PTPRB: variants seen among roughly 807,000 people sequenced by gnomAD.
PTPRB encodes the protein protein tyrosine phosphatase receptor type B.
A neutral mutation model predicts 238.1 loss-of-function variants in PTPRB; 97 were observed. The ratio of observed to expected loss-of-function variants is 0.41; its 90% CI spans 0.35 to 0.48. The LOEUF is 0.48. Among genes scored for constraint, PTPRB ranks in the 20% least tolerant of loss-of-function variants. PTPRB has a pLI of 0.30. For missense variants in PTPRB, 2,292 were observed against 2,681.9 expected (o/e 0.85, Z 3.21); for synonymous variants, 970 against 995.4 (o/e 0.97, Z 0.48).
intron 22 of PTPRB, among the ~76,000 whole-genome samples, chr12:70,543,882 T>A (rs2136270333): frequency 6.6e-6 from 1 of 152,326 alleles, no homozygotes; most frequent in Middle Eastern, 3.4e-3. Context: ...ATGGGGATGA[T>A]AATAGCATCT....
intron 5 of PTPRB, among the ~76,000 whole-genome samples, chr12:70,595,497 G>C (rs1482951882): frequency 6.6e-6 from 1 of 152,072 alleles, no homozygotes; most frequent in African/African-American, 2.4e-5. Context: ...GAGAGAAAAT[G>C]AGGGGAGAGC....
chr12:70,621,185 G>A (rs1040725211), intron 3 of PTPRB, among the ~76,000 whole-genome samples: 5 of 152,088 alleles, frequency 3.3e-5, no homozygotes, highest in East Asian at 3.9e-4. Context: ...CATTTTCCAC[G>A]CCCAGATAGA....
chr12:70,547,211 A>C (rs1876118701), intron 21 of PTPRB, among the ~76,000 whole-genome samples: 1 of 152,162 alleles, frequency 6.6e-6, no homozygotes, highest in Admixed American at 6.5e-5. Flanking sequence ...CACATCTATA[A>C]CTTCCATCTC....
rs751300742 is a variant in PTPRB at position 70,590,171 on chromosome 12, T to C, written c.1843A>G (p.Ser615Gly). ...NNGRMRSLVV[S>G]WSPPAGDWEQ... ...CAGTCTCCAGCAGGGGGCGACCAGC[T>C]CACTACAAGAGACCTCATCCTGCCA... Residue 615 changes from serine to glycine, a missense_variant, in exon 8 of 34, where the codon AGC (serine) becomes GGC (glycine). Transcript: ENST00000334414. The C allele has an allele frequency of 6.2e-6, 10 of 1,611,804 alleles. No individual in the cohort carries two copies. In the South Asian group the frequency reaches 1.1e-4, roughly 18 times the overall value.
chr12:70,534,801 G>C (rs185939089), intron 30 of PTPRB, 32 bp downstream of exon 30: 1 of 1,611,208 alleles, frequency 6.2e-7, no homozygotes, highest in Non-Finnish European at 8.5e-7. Flanking sequence ...ATCTCCCCAA[G>C]CTCGGTTGTT....
At chr12:70,547,623 C>A (rs532307991) in intron 21 of PTPRB, among the ~76,000 whole-genome samples, 1 of 151,098 alleles carries the variant, frequency 6.6e-6, no homozygotes, top group Non-Finnish European at 1.5e-5. Flanking sequence ...CCTCCAACCC[C>A]AGCCTCCTGA....
At chr12:70,632,555 C>T (rs2584022) in intron 2 of PTPRB, among the ~76,000 whole-genome samples, 48,854 of 151,136 alleles carry the variant, frequency 0.32, 11,029 homozygotes, top group African/African-American at 0.62. Flanking sequence ...TGTGCACATG[C>T]ACCCTAGAAC....
chr12:70,532,285 G>T, intron 31 of PTPRB, 115 bp from the exon 32 acceptor site: 1 of 1,278,752 alleles, frequency 7.8e-7, no homozygotes, highest in Non-Finnish European at 1.1e-6. Flanking sequence ...GGAGAAGATA[G>T]GAATATTTCT....
At chr12:70,625,992 T>G (rs990498564) in intron 2 of PTPRB, among the ~76,000 whole-genome samples, 2 of 152,168 alleles carry the variant, frequency 1.3e-5, no homozygotes, top group African/African-American at 4.8e-5. Context: ...GAGCAATGTG[T>G]ATTTTATCTT....
rs541091672 is a variant in PTPRB at position 70,587,555 on chromosome 12, T to C, written c.2051-288A>G. On this transcript the variant is annotated intron_variant, in intron 8 of 33. Transcript: ENST00000334414. The stretch of plus-strand genomic sequence containing the variant: ...TATGAATTCTGTAATACAAAAATAT[T>C]TACTCCAATCTTGTCATTCACAAAA... Among the ~76,000 whole-genome samples, 226 of 152,324 alleles carry C rather than the reference T, an allele frequency of 1.5e-3. 2 individuals carry two copies. The highest frequency in any genetic ancestry group is 5.2e-3 in the African/African-American group (218 of 41,554).
intron 32 of PTPRB, among the ~76,000 whole-genome samples, chr12:70,530,678 G>T (rs1451306626): frequency 2.0e-5 from 3 of 152,182 alleles, no homozygotes; most frequent in Non-Finnish European, 4.4e-5. Flanking sequence ...ACTGATAATT[G>T]TAGAAGCAGG....
At chr12:70,573,500 CTTTTCTTTTTTTTTTT>C in intron 11 of PTPRB, among the ~76,000 whole-genome samples, 1 of 121,970 alleles carries the variant, frequency 8.2e-6, no homozygotes, top group Non-Finnish European at 1.7e-5. Flanking sequence ...TTTTTCTTTT[CTTTTCTTTTTTTTTTT>C]TTTTTTTTGA....
chr12:70,534,820 C>G lies in PTPRB; in HGVS notation c.6204+13G>C. The G allele has an allele frequency of 6.2e-7, 1 of 1,612,498 alleles. No homozygotes were observed. Among genetic ancestry groups the G allele is most frequent in the Non-Finnish European group, 8.5e-7 (1 of 1,179,246 alleles). On this transcript the variant is annotated intron_variant, in intron 30 of 33. Coordinates refer to ENST00000334414, the MANE Select transcript of PTPRB (RefSeq NM_001109754.4). ...CCCCAAGCTCGGTTGTTAAGTCAAG[C>G]AAGCTAACATACACCGCATATCTTA...
At chr12:70,606,429 G>C (rs1175260523) in intron 4 of PTPRB, among the ~76,000 whole-genome samples, 1 of 151,978 alleles carries the variant, frequency 6.6e-6, no homozygotes, top group Non-Finnish European at 1.5e-5. Context: ...AGCTATTTTA[G>C]ACAGTTTATC....
At chr12:70,546,380 G>A (rs910227435) in intron 21 of PTPRB, among the ~76,000 whole-genome samples, 1 of 152,144 alleles carries the variant, frequency 6.6e-6, no homozygotes, top group East Asian at 1.9e-4. Flanking sequence ...ACACAGATTT[G>A]TAACCTCTGC....
chr12:70,628,412 T>C (rs575746161), intron 2 of PTPRB, among the ~76,000 whole-genome samples: 2 of 152,328 alleles, frequency 1.3e-5, no homozygotes, highest in African/African-American at 4.8e-5. Context: ...ATCCAAACCA[T>C]GGATGGAGTT....
chr12:70,625,544 T>C (rs1885133938), intron 2 of PTPRB, among the ~76,000 whole-genome samples: 1 of 146,414 alleles, frequency 6.8e-6, no homozygotes, highest in Non-Finnish European at 1.5e-5. Flanking sequence ...ATATATAAGA[T>C]GATTAAGTTT....
At chr12:70,535,025 C>A (rs1873888396) in intron 29 of PTPRB, 70 bp from the exon 30 acceptor site, 21 of 1,515,206 alleles carry the variant, frequency 1.4e-5, no homozygotes, top group Non-Finnish European at 1.8e-5. Flanking sequence ...GGGTTTCCCT[C>A]CTCTAAATGT....
rs763918740 is a variant in PTPRB at position 70,581,041 on chromosome 12, C to T, written c.2573G>A (p.Arg858Lys). The T allele has an allele frequency of 6.2e-7, 1 of 1,613,584 alleles. No homozygotes were observed. Among genetic ancestry groups the T allele is most frequent in the African/African-American group, 1.3e-5 (1 of 74,922 alleles). Reference sequence around the variant, plus strand: ...CACATATCTCTACTTCTTACCTGTTCTTCCCTCCACAACCACTTGTCGGGA... The same window carrying T: ...CACATATCTCTACTTCTTACCTGTTTTTCCCTCCACAACCACTTGTCGGGA... ...ISSRQVVVEGRTVPSSVSGVT... is the reference protein window; with the variant it reads ...ISSRQVVVEGKTVPSSVSGVT... The change falls in exon 10 of 34, where the codon AGA (arginine) becomes AAA (lysine). Residue 858 changes from arginine (R) to lysine (K), a missense_variant. Around this residue, in one of 4 missense-constraint regions of PTPRB, gnomAD observed 1,205 missense variants for 1,287.8 expected, o/e 0.94. Transcript: ENST00000334414.
Sources: allele counts gnomAD v4.1 joint callset (sites outside exome capture counted in the v4.1 genomes callset), GRCh38; gene constraint gnomAD v4.1.1; regional missense constraint gnomAD v4.1.1; transcripts MANE v1.5; gene names NCBI Gene and HGNC (gene_info 2026-07-23, HGNC 2026-07-21).